Variants in CDH13 observed in about 807,000 individuals in gnomAD.
CDH13 encodes cadherin 13.
Under a neutral mutation model 63.8 loss-of-function variants are expected in CDH13, and 24 were observed. The observed-to-expected ratio is 0.38, with a 90% CI of 0.27 to 0.53. The LOEUF (loss-of-function observed/expected upper bound fraction) is 0.53, where lower values mean the gene tolerates loss of function less well. Among genes scored for constraint, CDH13 ranks in the 20% least tolerant of loss-of-function variants. CDH13 has a pLI of 0.85. For missense variants in CDH13, 1,049 were observed against 903.1 expected, an observed-to-expected ratio of 1.16 and a Z score of -2.07; for synonymous variants, 503 against 355.3, an observed-to-expected ratio of 1.42 and a Z score of -4.67.
intron 11 of CDH13, among the ~76,000 whole-genome samples, chr16:83,773,908 T>G (rs1230819900): frequency 6.6e-6 from 1 of 152,090 alleles, no homozygotes; most frequent in Admixed American, 6.6e-5. Flanking sequence ...GCTCCCAAGC[T>G]TCCTCCTTTC....
At chr16:83,650,990 A>C (rs916177675) in intron 8 of CDH13, among the ~76,000 whole-genome samples, 1 of 151,746 alleles carries the variant, frequency 6.6e-6, no homozygotes, top group African/African-American at 2.4e-5. Flanking sequence ...AGTCCCAGCT[A>C]CTCTGGGGGC....
intron 8 of CDH13, among the ~76,000 whole-genome samples, chr16:83,648,606 C>T (rs942757562): frequency 6.6e-6 from 1 of 152,044 alleles, no homozygotes; most frequent in African/African-American, 2.4e-5. Context: ...TGGAAATTTC[C>T]ATTCATGGTT....
intron 4 of CDH13, among the ~76,000 whole-genome samples, chr16:83,202,001 A>T (rs2039046662): frequency 6.6e-6 from 1 of 152,164 alleles, no homozygotes; most frequent in African/African-American, 2.4e-5. Context: ...CCTGCATGGG[A>T]TTCATTTACA....
intron 1 of CDH13, among the ~76,000 whole-genome samples, chr16:82,744,477 A>G (rs755547629): frequency 2.0e-5 from 3 of 152,014 alleles, no homozygotes; most frequent in Admixed American, 6.5e-5. Flanking sequence ...TCTGAACCCA[A>G]TTGGTCCAGT....
intron 1 of CDH13, among the ~76,000 whole-genome samples, chr16:82,642,789 T>C (rs1909578216): frequency 1.3e-5 from 2 of 152,206 alleles, no homozygotes; most frequent in African/African-American, 4.8e-5. Flanking sequence ...TTCAGATGCA[T>C]TAATCAGCAC....
chr16:83,760,859 A>G (rs1161193889), intron 11 of CDH13, among the ~76,000 whole-genome samples: 1 of 152,238 alleles, frequency 6.6e-6, no homozygotes, highest in African/African-American at 2.4e-5. Flanking sequence ...CCTTCTGAGC[A>G]TTTAGACAGA....
intron 2 of CDH13, among the ~76,000 whole-genome samples, chr16:82,895,681 G>C (rs572859671): frequency 1.9e-5 from 2 of 103,792 alleles, no homozygotes; most frequent in Non-Finnish European, 3.8e-5. Flanking sequence ...GGAAAGGGAC[G>C]CCTCTCCCTT....
At position 82,644,268 on chromosome 16, in the gene CDH13, T is replaced by A. The variant is rs939538027; in HGVS notation, c.45+17131T>A. 6.6e-6 allele frequency among the ~76,000 whole-genome samples: 1 copy of A among 151,978 alleles called. No homozygotes were observed. Among genetic ancestry groups the A allele is most frequent in the African/African-American group, 2.4e-5 (1 of 41,366 alleles). On this transcript the variant is annotated intron_variant, in intron 1 of 13. Transcript: ENST00000567109. The surrounding 1 kb of genome is among the most constrained non-coding windows in gnomAD (Gnocchi z 5.7). ...TAAGGTCTAAGGCTGGGAAAGGAGC[T>A]CCCACTTCTTACATTCAGTGCTCAT...
intron 1 of CDH13, among the ~76,000 whole-genome samples, chr16:82,725,131 G>A (rs2033020485): frequency 7.4e-6 from 1 of 134,282 alleles, no homozygotes; most frequent in Admixed American, 7.0e-5. Flanking sequence ...GATGTTGATG[G>A]TCATGGTGAT....
intron 4 of CDH13, among the ~76,000 whole-genome samples, chr16:83,186,988 T>TC (rs1197563606): frequency 2.0e-5 from 3 of 152,144 alleles, no homozygotes; most frequent in African/African-American, 7.2e-5. Flanking sequence ...ATTTTTTTTT[T>TC]GAGACGGAGT....
chr16:83,160,881 G>T (rs967426257), intron 4 of CDH13, among the ~76,000 whole-genome samples: 1 of 152,132 alleles, frequency 6.6e-6, no homozygotes, highest in African/African-American at 2.4e-5. Context: ...GTTTGTCTGG[G>T]ATGTTATGTC....
chr16:83,475,353 C>A (rs1289353405), intron 6 of CDH13, among the ~76,000 whole-genome samples: 1 of 152,188 alleles, frequency 6.6e-6, no homozygotes, highest in Non-Finnish European at 1.5e-5. Context: ...CTCTCTGCCG[C>A]TCCTGCAGCA....
intron 3 of CDH13, among the ~76,000 whole-genome samples, chr16:83,087,036 C>G (rs1653651938): frequency 6.6e-6 from 1 of 152,250 alleles, no homozygotes; most frequent in South Asian, 2.1e-4. Flanking sequence ...CTAAGGCTAC[C>G]AAAGAAAATC....
chr16:83,049,325 C>T (rs376239992), intron 3 of CDH13, among the ~76,000 whole-genome samples: 6,862 of 126,000 alleles, frequency 0.054, 809 homozygotes, highest in Middle Eastern at 0.089. Context: ...TGACTGGCCT[C>T]TTTTTTTTTT....
intron 2 of CDH13, among the ~76,000 whole-genome samples, chr16:82,887,786 C>T (rs369926029): frequency 1.3e-5 from 2 of 152,028 alleles, no homozygotes; most frequent in East Asian, 3.9e-4. Flanking sequence ...CGCACCACTG[C>T]ACTCTAGCCT....
At chr16:83,013,821 G>C (rs1914402159) in intron 2 of CDH13, among the ~76,000 whole-genome samples, 2 of 152,148 alleles carry the variant, frequency 1.3e-5, no homozygotes, top group Admixed American at 6.5e-5. Flanking sequence ...AAGAATGGAG[G>C]TTTTATTCTA....
intron 4 of CDH13, among the ~76,000 whole-genome samples, chr16:83,214,738 T>A (rs1223318949): frequency 6.6e-6 from 1 of 152,144 alleles, no homozygotes; most frequent in African/African-American, 2.4e-5. Context: ...TGGCAGGACA[T>A]GTACTTTATA....
chr16:82,702,892 A>T (rs545402698), intron 1 of CDH13, among the ~76,000 whole-genome samples: 1 of 152,162 alleles, frequency 6.6e-6, no homozygotes, highest in Non-Finnish European at 1.5e-5. Context: ...TTAGATTTTT[A>T]AAAAATCTGG....
chr16:83,136,705 C>T (rs546881557), intron 4 of CDH13, among the ~76,000 whole-genome samples: 8 of 152,190 alleles, frequency 5.3e-5, no homozygotes, highest in South Asian at 2.1e-4. Context: ...CAGGGATGTT[C>T]CGCAGCCTGA....
Sources: allele counts gnomAD v4.1 joint callset (sites outside exome capture counted in the v4.1 genomes callset), GRCh38; gene constraint gnomAD v4.1.1; non-coding constraint Gnocchi (gnomAD v3.1); transcripts MANE v1.5; gene names NCBI Gene and HGNC (gene_info 2026-07-23, HGNC 2026-07-21).